The following SORCS2 variants were observed in gnomAD, a reference collection of about 807,000 sequenced individuals.
SORCS2 encodes sortilin related VPS10 domain containing receptor 2.
Under a neutral mutation model 141.6 loss-of-function variants are expected in SORCS2, and 100 were observed. That is an observed-to-expected ratio of 0.71 (90% confidence interval 0.60 to 0.83). The LOEUF is 0.83. SORCS2 is among the 40% of genes least tolerant of loss of function. The pLI is 0.00. For missense variants in SORCS2, 1,646 were observed against 1,560.2 expected (o/e 1.05, Z -0.93); for synonymous variants, 789 against 676.9 (o/e 1.17, Z -2.57).
chr4:7,273,896 T>A (rs1715302115), intron 1 of SORCS2, among the ~76,000 whole-genome samples: 1 of 152,206 alleles, frequency 6.6e-6, no homozygotes, highest in Non-Finnish European at 1.5e-5. Context: ...GTGAGCTTGT[T>A]AAGTGGGTCA....
intron 2 of SORCS2, among the ~76,000 whole-genome samples, chr4:7,523,966 C>G (rs991913499): frequency 3.3e-5 from 5 of 152,218 alleles, no homozygotes; most frequent in Non-Finnish European, 7.3e-5. Context: ...CTGCCTGTCT[C>G]CATTTCTTCA....
chr4:7,677,823 C>T (rs1353093312), intron 9 of SORCS2, among the ~76,000 whole-genome samples: 6 of 152,216 alleles, frequency 3.9e-5, no homozygotes, highest in African/African-American at 9.7e-5. Flanking sequence ...CCCCTGCAGG[C>T]GGCCCTCCTC....
At chr4:7,513,849 AT>A (rs2109475708) in intron 2 of SORCS2, among the ~76,000 whole-genome samples, 1 of 152,256 alleles carries the variant, frequency 6.6e-6, no homozygotes, top group African/African-American at 2.4e-5. Flanking sequence ...CGTTCTGCCA[AT>A]TTCCCCGCCT....
intron 2 of SORCS2, among the ~76,000 whole-genome samples, chr4:7,441,084 A>G (rs1560287053): frequency 6.6e-6 from 1 of 152,042 alleles, no homozygotes; most frequent in African/African-American, 2.4e-5. Flanking sequence ...TGAAGTGGGT[A>G]CCCAGGGGAT....
rs761607243 is a variant in SORCS2, at chr4:7,714,225, A to G, written c.1990-15A>G. On this transcript the variant is annotated splice_polypyrimidine_tract_variant and intron_variant, in intron 15 of 26. Transcript: ENST00000507866. ...CTGTCTCAGGCAGCTCCTTACCCTG[A>G]TGTTCCTGCTGCAGGGCGACCGCTG... The G allele has an allele frequency of 2.5e-6, 4 of 1,607,918 alleles. No individual in the cohort carries two copies. In the South Asian group the frequency reaches 4.5e-5, roughly 18 times the overall value.
At chr4:7,590,272 C>T (rs1302787011) in intron 3 of SORCS2, among the ~76,000 whole-genome samples, 16 of 152,242 alleles carry the variant, frequency 1.1e-4, no homozygotes, top group Non-Finnish European at 2.4e-4. Flanking sequence ...GCTCCGATCC[C>T]TTCCTCTGGA....
At chr4:7,620,005 T>TCTCCTCCTCCTCCTTC (rs58522408) in intron 3 of SORCS2, among the ~76,000 whole-genome samples, 20 of 147,552 alleles carry the variant, frequency 1.4e-4, no homozygotes, top group African/African-American at 5.0e-4. Context: ...ACCTCTTTTT[T>TCTCCTCCTCCTCCTTC]CTCCTCCTCC....
At chr4:7,704,322 G>C in intron 14 of SORCS2, 38 bp downstream of exon 14, 4 of 1,554,906 alleles carry the variant, frequency 2.6e-6, no homozygotes, top group Non-Finnish European at 3.5e-6. Flanking sequence ...CTGGTGGCAG[G>C]GCAGAGCCAT....
chr4:7,265,413 C>A (rs1714659959), intron 1 of SORCS2, among the ~76,000 whole-genome samples: 1 of 152,188 alleles, frequency 6.6e-6, no homozygotes, highest in Admixed American at 6.5e-5. Flanking sequence ...ATCGCTTGAA[C>A]CTGGGAGGCA....
chr4:7,496,755 G>A (rs9647414), intron 2 of SORCS2, among the ~76,000 whole-genome samples: 133,285 of 152,064 alleles, frequency 0.88, 60,003 homozygotes, highest in East Asian at 0.99. Context: ...AGTCCACGGC[G>A]GAATCCAAGG....
At chr4:7,336,892 G>A (rs3907647) in intron 1 of SORCS2, among the ~76,000 whole-genome samples, 73,854 of 151,882 alleles carry the variant, frequency 0.49, 18,160 homozygotes, top group Middle Eastern at 0.52. Context: ...TCCAGGTTCC[G>A]TGAGATCCTG....
At chr4:7,491,195 C>T (rs1731295717) in intron 2 of SORCS2, among the ~76,000 whole-genome samples, 1 of 152,194 alleles carries the variant, frequency 6.6e-6, no homozygotes, top group Admixed American at 6.5e-5. Flanking sequence ...ACTGATTTTC[C>T]CTTCCAGGCC....
chr4:7,633,528 T>A (rs555319055), intron 3 of SORCS2, among the ~76,000 whole-genome samples: 2 of 152,300 alleles, frequency 1.3e-5, no homozygotes, highest in African/African-American at 4.8e-5. Context: ...AGCGGAGCCC[T>A]GTGTTTACCT....
chr4:7,271,710 C>T (rs1715142242), intron 1 of SORCS2, among the ~76,000 whole-genome samples: 1 of 152,236 alleles, frequency 6.6e-6, no homozygotes, highest in African/African-American at 2.4e-5. Context: ...CAGTGTGTGG[C>T]AGGAGCTAAG....
At position 7,715,271 on chromosome 4, in the gene SORCS2, G is replaced by A; in HGVS notation, c.2212G>A (p.Asp738Asn). The A allele has an allele frequency of 1.2e-6, 2 of 1,613,680 alleles. No homozygotes were observed. The highest frequency in any genetic ancestry group is 1.7e-6 in the Non-Finnish European group (2 of 1,179,852). Residue 738 changes from aspartate (D) to asparagine (N), a missense_variant, in exon 17 of 27, where the codon GAC becomes AAC. Asp to Asn is a conservative substitution (Grantham distance 23). Coordinates refer to ENST00000507866, the MANE Select transcript of SORCS2 (RefSeq NM_020777.3). ...NFWFNPLSPP[D>N]DCALGQTYTS... ...CTGGTTTAACCCATTGTCCCCGCCT[G>A]ACGACTGTGCCCTGGGCCAGACCTA...
At chr4:7,526,208 C>T (rs1488610494) in intron 2 of SORCS2, among the ~76,000 whole-genome samples, 1 of 152,258 alleles carries the variant, frequency 6.6e-6, no homozygotes, top group African/African-American at 2.4e-5. Context: ...GGTCACGTGC[C>T]CATCCACTGC....
chr4:7,571,156 C>T (rs1231926839), intron 3 of SORCS2, among the ~76,000 whole-genome samples: 1 of 152,240 alleles, frequency 6.6e-6, no homozygotes, highest in Non-Finnish European at 1.5e-5. Flanking sequence ...AGAAAGAATG[C>T]AGTGAACCTG....
intron 3 of SORCS2, among the ~76,000 whole-genome samples, chr4:7,539,507 G>A (rs141377570): frequency 1.5e-3 from 229 of 152,294 alleles, no homozygotes; most frequent in Middle Eastern, 6.8e-3. Flanking sequence ...TCCCACCCAT[G>A]TGTAGGGTAG....
intron 1 of SORCS2, among the ~76,000 whole-genome samples, chr4:7,366,094 T>G (rs2109032564): frequency 6.6e-6 from 1 of 151,704 alleles, no homozygotes; most frequent in South Asian, 2.1e-4. Flanking sequence ...GCAGGAGGAG[T>G]GCCGGGGGGT....
Sources: allele counts gnomAD v4.1 joint callset (sites outside exome capture counted in the v4.1 genomes callset), GRCh38; gene constraint gnomAD v4.1.1; transcripts MANE v1.5; gene names NCBI Gene and HGNC (gene_info 2026-07-23, HGNC 2026-07-21).